The following ARID4B variants were observed in gnomAD, a reference collection of about 807,000 sequenced individuals.
ARID4B encodes the protein AT-rich interactive domain-containing protein 4B.
Under a neutral mutation model 147.5 loss-of-function variants are expected in ARID4B, and 26 were observed. The observed-to-expected ratio is 0.18, with a 90% CI of 0.13 to 0.24. The LOEUF (loss-of-function observed/expected upper bound fraction) is 0.24, where lower values mean the gene tolerates loss of function less well. ARID4B is among the 10% of genes least tolerant of loss of function. The probability of loss-of-function intolerance (pLI) is 1.00; values close to 1 mark genes in which losing one functional copy is unlikely to be tolerated. For missense variants in ARID4B, 1,179 were observed against 1,511.5 expected (o/e 0.78, Z 3.65); for synonymous variants, 512 against 507.9 (o/e 1.01, Z -0.11).
In ARID4B at chr1:235,182,184, G is replaced by A; in HGVS notation, c.2735C>T (p.Ser912Phe). Reference protein sequence around the residue: ...AEKRIKLLNNSDERLQNSRAK... With the variant: ...AEKRIKLLNNFDERLQNSRAK... ...CCTGCTGTTTTGAAGTCTTTCATCA[G>A]AGTTATTTAAAAGTTTAATCCTTTT... Residue 912 changes from serine (S) to phenylalanine (F), a missense_variant, in exon 20 of 24, where the codon TCT (serine) becomes TTT (phenylalanine). Physicochemically the swap from Ser to Phe is radical, Grantham distance 155. Around this residue, in one of 10 missense-constraint regions of ARID4B, gnomAD observed 321 missense variants for 342.4 expected, o/e 0.94. Coordinates refer to ENST00000264183, the MANE Select transcript of ARID4B (RefSeq NM_016374.6). The A allele has an allele frequency of 6.2e-7, 1 of 1,614,132 alleles. No homozygotes were observed. Among genetic ancestry groups the A allele is most frequent in the Non-Finnish European group, 8.5e-7 (1 of 1,180,034 alleles).
At chr1:235,175,426 A>C in intron 21 of ARID4B, 27 bp from the exon 22 acceptor site, 1 of 1,538,260 alleles carries the variant, frequency 6.5e-7, no homozygotes, top group Non-Finnish European at 8.9e-7. Flanking sequence ...AGATTTAATA[A>C]ACAAAAATGT....
intron 5 of ARID4B, among the ~76,000 whole-genome samples, chr1:235,255,409 G>T (rs899875274): frequency 6.6e-5 from 10 of 151,760 alleles, no homozygotes; most frequent in Non-Finnish European, 1.3e-4. Context: ...ATTTACCTAA[G>T]ATATACTTTG....
chr1:235,310,541 T>C (rs2103275277), intron 2 of ARID4B, among the ~76,000 whole-genome samples: 1 of 152,358 alleles, frequency 6.6e-6, no homozygotes, highest in Middle Eastern at 3.4e-3. Flanking sequence ...AACTAATGAT[T>C]ATGGAACTTT....
intron 2 of ARID4B, among the ~76,000 whole-genome samples, chr1:235,304,586 A>T (rs900269784): frequency 2.6e-5 from 4 of 152,150 alleles, no homozygotes; most frequent in African/African-American, 4.8e-5. Context: ...GTTAAGGGGC[A>T]CTCATCTGTT....
Position 235,322,031 on chromosome 1 carries a change from A to AT in ARID4B, c.6+4882_6+4883insA, listed in dbSNP as rs1558314427. Among the ~76,000 whole-genome samples the AT allele has an allele frequency of 5.8e-3, 868 of 150,604 alleles. 10 individuals are homozygous for AT. Among genetic ancestry groups the AT allele is most frequent in the African/African-American group, 0.017 (694 of 40,952 alleles). On this transcript the variant is annotated intron_variant, in intron 2 of 23. Coordinates refer to ENST00000264183, the MANE Select transcript of ARID4B (RefSeq NM_016374.6). ...TGGTTCCATGTAGTTTTCAAGAAAA[A>AT]ATTTTTTTTTTTTTGAGACAGAGTA...
At chr1:235,280,256 T>C (rs1381240921) in intron 2 of ARID4B, among the ~76,000 whole-genome samples, 2 of 152,200 alleles carry the variant, frequency 1.3e-5, no homozygotes, top group Admixed American at 6.5e-5. Context: ...TCCATTGTCT[T>C]ATTCTTTTTA....
At chr1:235,258,560 A>C (rs1186947804) in intron 3 of ARID4B, among the ~76,000 whole-genome samples, 1 of 152,232 alleles carries the variant, frequency 6.6e-6, no homozygotes, top group Non-Finnish European at 1.5e-5. Context: ...AAAACAAGAT[A>C]GCTTCCACTA....
chr1:235,191,111 C>G (rs1485963162), intron 19 of ARID4B, among the ~76,000 whole-genome samples: 1 of 152,156 alleles, frequency 6.6e-6, no homozygotes, highest in African/African-American at 2.4e-5. Flanking sequence ...TTTTATCCAG[C>G]AGAAACATTC....
chr1:235,177,089 T>C (rs896183568), intron 21 of ARID4B, among the ~76,000 whole-genome samples: 2 of 152,164 alleles, frequency 1.3e-5, no homozygotes, highest in African/African-American at 2.4e-5. Flanking sequence ...TCACATAATA[T>C]AGAGTACCAA....
At chr1:235,182,820 T>TGAG (rs749564787) in intron 19 of ARID4B, 27 bp from the exon 20 acceptor site, 10 of 1,555,802 alleles carry the variant, frequency 6.4e-6, no homozygotes, top group Non-Finnish European at 8.6e-6. Flanking sequence ...AAAAAAATGA[T>TGAG]GAGTATGATA....
At chr1:235,268,281 G>A (rs990290926) in intron 2 of ARID4B, among the ~76,000 whole-genome samples, 24 of 152,120 alleles carry the variant, frequency 1.6e-4, no homozygotes, top group Admixed American at 2.0e-4. Context: ...GAAGGGAGCA[G>A]ACTACAGAGA....
At position 235,182,545 on chromosome 1, in the gene ARID4B, C is replaced by T; in HGVS notation, c.2374G>A (p.Asp792Asn). ...LRKDIEVLSE[D>N]TDYEEDEVTK... The stretch of plus-strand genomic sequence containing the variant: ...ACTTCATCTTCTTCATAATCAGTAT[C>T]TTCGGATAATACTTCTATATCTTTC... Residue 792 changes from aspartate (D) to asparagine (N), a missense_variant, in exon 20 of 24, where the codon GAT becomes AAT. Coordinates refer to ENST00000264183, the MANE Select transcript of ARID4B (RefSeq NM_016374.6). The T allele has an allele frequency of 6.2e-7, 1 of 1,612,900 alleles. No homozygotes were observed. The highest frequency in any genetic ancestry group is 8.5e-7 in the Non-Finnish European group (1 of 1,179,782).
rs974991094 is a variant in ARID4B, at chr1:235,305,109, A to G, written c.6+21805T>C. On this transcript the variant is annotated intron_variant, in intron 2 of 23. Transcript: ENST00000264183. ...AGCTTGTATTATCTGGGTGAGCCCT[A>G]TTTAATATAAACACAAGGATACTTA... Among the ~76,000 whole-genome samples, 9 of 152,316 alleles carry G rather than the reference A, an allele frequency of 5.9e-5. No individual in the cohort carries two copies. In the South Asian group the frequency reaches 1.9e-3, roughly 32 times the overall value.
At chr1:235,207,843 G>C (rs1261430587) in intron 17 of ARID4B, among the ~76,000 whole-genome samples, 1 of 152,050 alleles carries the variant, frequency 6.6e-6, no homozygotes, top group African/African-American at 2.4e-5. Context: ...GATTTAATTT[G>C]TTTGGCGAAA....
chr1:235,276,856 TG>T (rs759532656), intron 2 of ARID4B, among the ~76,000 whole-genome samples: 1 of 151,724 alleles, frequency 6.6e-6, no homozygotes, highest in Non-Finnish European at 1.5e-5. Context: ...AAAAATTAGC[TG>T]GGAGTGGTAG....
chr1:235,299,405 G>C (rs1353595040), intron 2 of ARID4B, among the ~76,000 whole-genome samples: 1 of 152,082 alleles, frequency 6.6e-6, no homozygotes, highest in Non-Finnish European at 1.5e-5. Flanking sequence ...GTAGAGACGG[G>C]GTTTCTTGAA....
At chr1:235,186,961 G>A in intron 19 of ARID4B, 2 of 269,262 alleles carry the variant, frequency 7.4e-6, no homozygotes, top group South Asian at 6.6e-5. Flanking sequence ...CTCCCAAAGT[G>A]CTGGGATTAC....
chr1:235,194,128 A>C lies in ARID4B; in HGVS notation c.2010T>G (p.Phe670Leu). Reference protein sequence around the residue: ...CKLRRLSKPPFQTNPSPEMVS... With the variant: ...CKLRRLSKPPLQTNPSPEMVS... ...CCATTTCAGGAGATGGATTTGTCTG[A>C]AATGGTGGTTTGGACAAGCGCCGAA... Residue 670 changes from phenylalanine (F) to leucine (L), a missense_variant, in exon 19 of 24, where the codon TTT becomes TTG. Physicochemically the swap from Phe to Leu is conservative, Grantham distance 22. Coordinates refer to ENST00000264183, the MANE Select transcript of ARID4B (RefSeq NM_016374.6). The C allele has an allele frequency of 6.2e-7, 1 of 1,613,462 alleles. No individual in the cohort carries two copies. The highest frequency in any genetic ancestry group is 8.5e-7 in the Non-Finnish European group (1 of 1,179,416).
chr1:235,275,830 A>G (rs540681834), intron 2 of ARID4B, among the ~76,000 whole-genome samples: 1 of 152,332 alleles, frequency 6.6e-6, no homozygotes, highest in Admixed American at 6.5e-5. Flanking sequence ...TTTAAGCTAA[A>G]CTGTCAAAAT....
Sources: gnomAD v4.1 joint callset for allele counts (sites outside exome capture counted in the v4.1 genomes callset) on GRCh38, gnomAD v4.1.1 for gene constraint, gnomAD v4.1.1 regional missense constraint, MANE v1.5 for transcripts, NCBI Gene and HGNC (gene_info 2026-07-23, HGNC 2026-07-21) for gene names.